Variants in INPP5D observed in about 807,000 individuals in gnomAD.
INPP5D encodes the protein phosphatidylinositol 3,4,5-trisphosphate 5-phosphatase 1.
A neutral mutation model predicts 122.9 loss-of-function variants in INPP5D; 33 were observed. The observed-to-expected ratio is 0.27, with a 90% CI of 0.20 to 0.36. The LOEUF is 0.36. Ranked by LOEUF, INPP5D falls within the 10% of genes least tolerant of loss-of-function variation. The pLI, the probability that INPP5D is intolerant of heterozygous loss-of-function variation, is 1.00. For missense variants in INPP5D, 1,053 were observed against 1,412.7 expected (o/e 0.75, Z 4.08); for synonymous variants, 584 against 576.2 (o/e 1.01, Z -0.19).
At chr2:233,166,796 C>T (rs535819290) in intron 13 of INPP5D, among the ~76,000 whole-genome samples, 2 of 151,740 alleles carry the variant, frequency 1.3e-5, no homozygotes, top group African/African-American at 4.8e-5. Flanking sequence ...ACCAGCCTGG[C>T]CAACATGGTG....
chr2:233,198,941 A>G (rs113025518), intron 25 of INPP5D, among the ~76,000 whole-genome samples: 24 of 109,810 alleles, frequency 2.2e-4, no homozygotes, highest in African/African-American at 8.2e-4. Flanking sequence ...CAAGACTGAA[A>G]CTCCGTCTCA....
chr2:233,168,380 T>G (rs1694402333), intron 13 of INPP5D, among the ~76,000 whole-genome samples: 2 of 152,380 alleles, frequency 1.3e-5, no homozygotes, highest in Admixed American at 1.3e-4. Context: ...GTGCCTGTAT[T>G]GGACAGAGCA....
intron 8 of INPP5D, among the ~76,000 whole-genome samples, chr2:233,147,036 C>T (rs780941637): frequency 1.7e-4 from 26 of 152,164 alleles, no homozygotes; most frequent in Admixed American, 1.0e-3. Context: ...AGCATGCCTA[C>T]GCAACTGTTG....
At chr2:233,140,508 A>C (rs1184911895) in intron 6 of INPP5D, 2 of 152,264 alleles carry the variant, frequency 1.3e-5, no homozygotes, top group Non-Finnish European at 2.9e-5. Flanking sequence ...ATTCATGTTT[A>C]TATTATTATT....
intron 5 of INPP5D, among the ~76,000 whole-genome samples, chr2:233,136,212 T>A (rs1410389154): frequency 6.6e-6 from 1 of 152,226 alleles, no homozygotes; most frequent in African/African-American, 2.4e-5. Context: ...GCCTAGTGGC[T>A]TATGCCAGTA....
intron 9 of INPP5D, among the ~76,000 whole-genome samples, chr2:233,149,904 C>T (rs556038692): frequency 2.5e-4 from 38 of 152,274 alleles, no homozygotes; most frequent in African/African-American, 8.7e-4. Flanking sequence ...TCACCACCAC[C>T]ACCACCATTA....
At chr2:233,181,038 C>T (rs1005486083) in intron 18 of INPP5D, among the ~76,000 whole-genome samples, 1 of 152,146 alleles carries the variant, frequency 6.6e-6, no homozygotes, top group Non-Finnish European at 1.5e-5. Context: ...GAAGGGGTAG[C>T]CTCCTCTTTC....
At chr2:233,135,867 G>A (rs1354804664) in intron 5 of INPP5D, among the ~76,000 whole-genome samples, 2 of 152,086 alleles carry the variant, frequency 1.3e-5, no homozygotes, top group African/African-American at 2.4e-5. Context: ...AAAACAAGAA[G>A]CCTGCAGCTT....
chr2:233,170,442 AG>A lies in INPP5D; in HGVS notation c.1792-52del. 6.2e-7 allele frequency: 1 copy of A among 1,609,782 alleles called. No homozygotes were observed. Among genetic ancestry groups the A allele is most frequent in the Non-Finnish European group, 8.5e-7 (1 of 1,177,598 alleles). On this transcript the variant is annotated intron_variant, in intron 15 of 26. Transcript: ENST00000445964. This position sits in a 1 kb window ranked among gnomAD's most constrained non-coding sequence, Gnocchi z 4.5. ...CCCGCCCCCAGCCCCGAAGCTTGTC[AG>A]GCCTGGATCAGCAGGGCTTCTCACC...
At chr2:233,165,217 ATG>A (rs1694296462) in intron 13 of INPP5D, among the ~76,000 whole-genome samples, 1 of 152,070 alleles carries the variant, frequency 6.6e-6, no homozygotes, top group Non-Finnish European at 1.5e-5. Flanking sequence ...ATGTGAGTCA[ATG>A]TGTGAGCGTA....
intron 25 of INPP5D, among the ~76,000 whole-genome samples, 184 bp from the exon 26 acceptor site, chr2:233,203,942 G>C (rs567899875): frequency 2.2e-4 from 33 of 152,286 alleles, no homozygotes; most frequent in African/African-American, 7.2e-4. Flanking sequence ...GCGAGACTCT[G>C]TCTCTAAAAC....
chr2:233,165,564 G>A (rs1183651318), intron 13 of INPP5D, among the ~76,000 whole-genome samples: 1 of 151,752 alleles, frequency 6.6e-6, no homozygotes, highest in Non-Finnish European at 1.5e-5. Flanking sequence ...CTATGTGTGT[G>A]TGTCCATGCA....
chr2:233,195,094 C>G (rs919057632), intron 23 of INPP5D, among the ~76,000 whole-genome samples: 1 of 152,150 alleles, frequency 6.6e-6, no homozygotes, highest in African/African-American at 2.4e-5. Flanking sequence ...CCACACCTGG[C>G]CTGTTTATTT....
chr2:233,128,183 G>A lies in INPP5D; in HGVS notation c.524+2264G>A, dbSNP rs996347381. Among the ~76,000 whole-genome samples, 15 of 152,104 alleles carry A rather than the reference G, an allele frequency of 9.9e-5. No homozygotes were observed. Among genetic ancestry groups the A allele is most frequent in the African/African-American group, 1.7e-4 (7 of 41,432 alleles). ...TGCACTTGAGGGATCTAGGCTGCACGCCTCTTAGGAGAATCTAACTAACGC... is the reference window on the plus strand; with the variant it reads ...TGCACTTGAGGGATCTAGGCTGCACACCTCTTAGGAGAATCTAACTAACGC... On this transcript the variant is annotated intron_variant, in intron 4 of 26. Coordinates refer to ENST00000445964, the MANE Select transcript of INPP5D (RefSeq NM_001017915.3). The surrounding 1 kb of genome is among the most constrained non-coding windows in gnomAD (Gnocchi z 4.5).
intron 11 of INPP5D, 114 bp downstream of exon 11, chr2:233,161,940 C>T: frequency 1.4e-6 from 2 of 1,454,186 alleles, no homozygotes; most frequent in Non-Finnish European, 1.8e-6. Flanking sequence ...CTTCCTGCCC[C>T]AGGGCCCTGC....
At chr2:233,064,089 C>G (rs776471758) in intron 1 of INPP5D, among the ~76,000 whole-genome samples, 2 of 152,276 alleles carry the variant, frequency 1.3e-5, no homozygotes, top group African/African-American at 4.8e-5. Flanking sequence ...ACAGGCAAAG[C>G]TGATCAAAGG....
In INPP5D at chr2:233,200,788, A is replaced by G. The variant is rs140090816; in HGVS notation, c.2975+2412A>G. ...AGCCTGACCAACACGGTGAAACCCC[A>G]TCTCTACTAAAAATACAAAAATCAG... On this transcript the variant is annotated intron_variant, in intron 25 of 26. Coordinates refer to ENST00000445964, the MANE Select transcript of INPP5D (RefSeq NM_001017915.3). Among the ~76,000 whole-genome samples the G allele has an allele frequency of 3.1e-3, 471 of 152,032 alleles. 4 individuals carry two copies. Among genetic ancestry groups the G allele is most frequent in the African/African-American group, 0.011 (457 of 41,456 alleles).
Position 233,078,687 on chromosome 2 carries a change from G to C in INPP5D, c.135-648G>C, listed in dbSNP as rs1381023611. Among the ~76,000 whole-genome samples the C allele has an allele frequency of 2.0e-5, 3 of 151,698 alleles. No homozygotes were observed. The highest frequency in any genetic ancestry group is 4.4e-5 in the Non-Finnish European group (3 of 67,876). On this transcript the variant is annotated intron_variant, in intron 1 of 26. Coordinates refer to ENST00000445964, the MANE Select transcript of INPP5D (RefSeq NM_001017915.3). The surrounding 1 kb of genome is among the most constrained non-coding windows in gnomAD (Gnocchi z 4.6). ...CTCTTTTTTGTTGTTTTTTTGTTTT[G>C]TTTTGTTTTGTTTTGAGACGGAGTC...
intron 2 of INPP5D, among the ~76,000 whole-genome samples, chr2:233,090,926 C>T (rs974980191): frequency 6.6e-6 from 1 of 151,054 alleles, no homozygotes; most frequent in African/African-American, 2.4e-5. Context: ...CCACAACACT[C>T]TGGCCTGGGT....
Sources: gnomAD v4.1 joint callset for allele counts (sites outside exome capture counted in the v4.1 genomes callset) on GRCh38, gnomAD v4.1.1 for gene constraint, Gnocchi (gnomAD v3.1) non-coding constraint, MANE v1.5 for transcripts, NCBI Gene and HGNC (gene_info 2026-07-23, HGNC 2026-07-21) for gene names.